The following KHDRBS2 variants were observed in gnomAD, a reference collection of about 807,000 sequenced individuals.
KHDRBS2 encodes KH RNA binding domain containing, signal transduction associated 2.
A neutral mutation model predicts 44.3 loss-of-function variants in KHDRBS2; 26 were observed. The ratio of observed to expected loss-of-function variants is 0.59; its 90% CI spans 0.43 to 0.81. The LOEUF is 0.81. Ranked by LOEUF, KHDRBS2 falls within the 40% of genes least tolerant of loss-of-function variation. KHDRBS2 has a pLI of 0.00. For missense variants in KHDRBS2, 476 were observed against 433.1 expected (o/e 1.10, Z -0.88); for synonymous variants, 194 against 151.1 (o/e 1.28, Z -2.08).
intron 6 of KHDRBS2, among the ~76,000 whole-genome samples, chr6:61,877,915 G>A (rs1020583125): frequency 3.3e-5 from 5 of 151,724 alleles, no homozygotes; most frequent in Non-Finnish European, 5.9e-5. Flanking sequence ...TTTAATAGTT[G>A]AAGATTTTAT....
At chr6:62,219,478 G>A (rs1454935733) in intron 1 of KHDRBS2, among the ~76,000 whole-genome samples, 1 of 151,700 alleles carries the variant, frequency 6.6e-6, no homozygotes, top group Non-Finnish European at 1.5e-5. Context: ...AAATTCTCAT[G>A]TGTGATTATA....
chr6:62,110,595 G>C (rs890098365), intron 2 of KHDRBS2, among the ~76,000 whole-genome samples: 1 of 152,026 alleles, frequency 6.6e-6, no homozygotes, highest in Non-Finnish European at 1.5e-5. Context: ...GACTCCTCCA[G>C]AGTCCTCTCT....
intron 3 of KHDRBS2, among the ~76,000 whole-genome samples, chr6:62,024,010 C>T (rs1167248024): frequency 6.6e-6 from 1 of 150,780 alleles, no homozygotes; most frequent in Non-Finnish European, 1.5e-5. Context: ...AGAGTCTCTA[C>T]CAAAATAATT....
rs544914064 is a variant in KHDRBS2, at chr6:61,718,304, T to C, written c.893+14378A>G. Among the ~76,000 whole-genome samples, 6 of 152,262 alleles carry C rather than the reference T, an allele frequency of 3.9e-5. No individual in the cohort carries two copies. The South Asian group carries it at 1.2e-3, about 32-fold the overall frequency. ...ACCAAATGTAGATATGTATATTCAC[T>C]GTATATTCTTTCTTTTGCTTTCTCA... On this transcript the variant is annotated intron_variant, in intron 7 of 8. Coordinates refer to ENST00000281156, the MANE Select transcript of KHDRBS2 (RefSeq NM_152688.4).
chr6:61,993,174 C>A (rs1229185580), intron 3 of KHDRBS2, among the ~76,000 whole-genome samples: 1 of 152,074 alleles, frequency 6.6e-6, no homozygotes, highest in African/African-American at 2.4e-5. Flanking sequence ...GATATAGGCT[C>A]CCCATAATAC....
At chr6:62,204,650 T>C (rs1050311386) in intron 1 of KHDRBS2, among the ~76,000 whole-genome samples, 1 of 152,154 alleles carries the variant, frequency 6.6e-6, no homozygotes, top group Non-Finnish European at 1.5e-5. Context: ...TATCCTCTCA[T>C]GTTTCTGTAC....
chr6:62,171,410 C>A (rs1819975412), intron 2 of KHDRBS2, among the ~76,000 whole-genome samples: 1 of 151,658 alleles, frequency 6.6e-6, no homozygotes, highest in African/African-American at 2.4e-5. Context: ...CAAATATGAA[C>A]AAAACCTCTT....
intron 2 of KHDRBS2, among the ~76,000 whole-genome samples, chr6:62,077,423 C>A (rs1796559779): frequency 6.6e-6 from 1 of 152,042 alleles, no homozygotes; most frequent in African/African-American, 2.4e-5. Flanking sequence ...AGGACTCAGG[C>A]CTTCAGGCTA....
At chr6:61,831,564 A>G (rs531514670) in intron 6 of KHDRBS2, among the ~76,000 whole-genome samples, 16 of 152,256 alleles carry the variant, frequency 1.1e-4, no homozygotes, top group Non-Finnish European at 2.2e-4. Flanking sequence ...TGAGCAAATG[A>G]CTAATACATG....
At chr6:62,240,351 AC>A (rs1834395564) in intron 1 of KHDRBS2, among the ~76,000 whole-genome samples, 1 of 151,740 alleles carries the variant, frequency 6.6e-6, no homozygotes, top group Admixed American at 6.6e-5. Context: ...TATACATTCT[AC>A]CCAGTCCTAC....
chr6:62,258,019 T>G (rs1837691639), intron 1 of KHDRBS2, among the ~76,000 whole-genome samples: 1 of 152,050 alleles, frequency 6.6e-6, no homozygotes, highest in South Asian at 2.1e-4. Context: ...TGAAGCTTTT[T>G]GAGTGCCGAC....
intron 7 of KHDRBS2, among the ~76,000 whole-genome samples, chr6:61,721,958 T>C (rs1010248830): frequency 6.7e-6 from 1 of 148,844 alleles, no homozygotes; most frequent in African/African-American, 2.5e-5. Context: ...GTCCAATCAA[T>C]ACCTAATTTA....
At chr6:61,767,801 T>C (rs569118847) in intron 6 of KHDRBS2, among the ~76,000 whole-genome samples, 5 of 152,262 alleles carry the variant, frequency 3.3e-5, no homozygotes, top group African/African-American at 1.2e-4. Context: ...TTTAAAGTTT[T>C]TATTGTTTCC....
At chr6:61,849,043 G>C (rs1362406570) in intron 6 of KHDRBS2, among the ~76,000 whole-genome samples, 1 of 151,876 alleles carries the variant, frequency 6.6e-6, no homozygotes, top group Admixed American at 6.6e-5. Flanking sequence ...AGATGTATGT[G>C]GTTCATTTCA....
At chr6:61,965,324 G>C (rs902179138) in intron 4 of KHDRBS2, among the ~76,000 whole-genome samples, 1 of 152,046 alleles carries the variant, frequency 6.6e-6, no homozygotes, top group African/African-American at 2.4e-5. Context: ...CTAGACTGCT[G>C]TGGGTATGGT....
chr6:62,229,677 G>A (rs1427283054), intron 1 of KHDRBS2, among the ~76,000 whole-genome samples: 1 of 152,134 alleles, frequency 6.6e-6, no homozygotes, highest in Admixed American at 6.5e-5. Context: ...TCACAATTCC[G>A]TGGAAAAAGC....
At chr6:61,752,343 C>T (rs1454049056) in intron 6 of KHDRBS2, among the ~76,000 whole-genome samples, 1 of 152,088 alleles carries the variant, frequency 6.6e-6, no homozygotes, top group Admixed American at 6.5e-5. Context: ...CAGAGTTTAG[C>T]AACATGCTCA....
At chr6:62,094,435 A>G (rs1431238661) in intron 2 of KHDRBS2, among the ~76,000 whole-genome samples, 1 of 151,850 alleles carries the variant, frequency 6.6e-6, no homozygotes, top group East Asian at 1.9e-4. Flanking sequence ...TTGGATATTA[A>G]TCCCTTATCA....
chr6:62,200,967 C>A (rs2150138200), intron 1 of KHDRBS2, among the ~76,000 whole-genome samples: 1 of 152,248 alleles, frequency 6.6e-6, no homozygotes, highest in South Asian at 2.1e-4. Context: ...CCATCATTCT[C>A]AGCAAACTAT....
Sources: gnomAD v4.1 joint callset for allele counts (sites outside exome capture counted in the v4.1 genomes callset) on GRCh38, gnomAD v4.1.1 for gene constraint, MANE v1.5 for transcripts, NCBI Gene and HGNC (gene_info 2026-07-23, HGNC 2026-07-21) for gene names.